STOX2: variants seen among roughly 807,000 people sequenced by gnomAD.
STOX2 encodes the protein storkhead-box protein 2.
A neutral mutation model predicts 60.9 loss-of-function variants in STOX2; 28 were observed. The observed-to-expected ratio is 0.46, with a 90% CI of 0.34 to 0.63. The LOEUF (loss-of-function observed/expected upper bound fraction) is 0.63, where lower values mean the gene tolerates loss of function less well. STOX2 is among the 30% of genes least tolerant of loss of function. The pLI is 0.01. For synonymous variants in STOX2, 472 were observed against 463.9 expected (o/e 1.02, Z -0.22); for missense variants, 1,024 against 1,187.7 (o/e 0.86, Z 2.03).
intron 1 of STOX2, 87 bp downstream of exon 1, chr4:183,907,043 C>CG: frequency 8.4e-7 from 1 of 1,192,790 alleles, no homozygotes; most frequent in Non-Finnish European, 1.2e-6. Flanking sequence ...GAGGAGAGGA[C>CG]GGGCAGTGAT....
intron 2 of STOX2, among the ~76,000 whole-genome samples, chr4:184,007,958 G>A (rs1433266288): frequency 1.3e-5 from 2 of 152,214 alleles, no homozygotes; most frequent in African/African-American, 4.8e-5. Context: ...GATATAAATT[G>A]GGGTGGGGAG....
Position 183,850,768 on chromosome 4 carries a change from C to A in STOX2, c.364+52713C>A, listed in dbSNP as rs1579332588. 3.3e-5 allele frequency among the ~76,000 whole-genome samples: 5 copies of A among 152,108 alleles called. No individual in the cohort carries two copies. The South Asian group carries it at 1.0e-3, about 32-fold the overall frequency. The stretch of plus-strand genomic sequence containing the variant: ...AAGTCAAAAGAAGAAGAACATGTTG[C>A]CACCTTCTCCTCCATTCTTTCATCA... On this transcript the variant is annotated intron_variant, in intron 1 of 2. Coordinates refer to the STOX2 transcript ENST00000513034.
intron 1 of STOX2, among the ~76,000 whole-genome samples, chr4:183,839,275 G>C (rs974129882): frequency 2.6e-5 from 4 of 152,156 alleles, no homozygotes; most frequent in Non-Finnish European, 5.9e-5. Context: ...TCATCTGAAA[G>C]AGTCACAGAG....
chr4:183,957,147 G>GAA (rs1743272624), intron 1 of STOX2, among the ~76,000 whole-genome samples: 1 of 81,764 alleles, frequency 1.2e-5, no homozygotes, highest in Non-Finnish European at 2.7e-5. Flanking sequence ...AAAACTTAAA[G>GAA]TATAATAATA....
At chr4:183,842,094 A>G (rs17295281) in intron 1 of STOX2, among the ~76,000 whole-genome samples, 509 of 152,310 alleles carry the variant, frequency 3.3e-3, no homozygotes, top group Non-Finnish European at 5.7e-3. Context: ...AAAATATCAC[A>G]CAGGTAATTC....
intron 1 of STOX2, among the ~76,000 whole-genome samples, chr4:183,994,143 G>C (rs150881692): frequency 6.6e-6 from 1 of 152,206 alleles, no homozygotes. Flanking sequence ...GGGCATTTAA[G>C]ATAAAACTTG....
chr4:183,920,893 C>T (rs1205049995), intron 1 of STOX2, among the ~76,000 whole-genome samples: 1 of 152,134 alleles, frequency 6.6e-6, no homozygotes, highest in Non-Finnish European at 1.5e-5. Flanking sequence ...GGTCTTAACG[C>T]ATTTAGTGCA....
chr4:183,932,854 TA>T (rs1346262288), intron 1 of STOX2, among the ~76,000 whole-genome samples: 2 of 152,214 alleles, frequency 1.3e-5, no homozygotes, highest in Non-Finnish European at 2.9e-5. Flanking sequence ...GCTTTAGAAC[TA>T]AAGAAATGTC....
At chr4:183,919,422 G>C (rs931578593) in intron 1 of STOX2, among the ~76,000 whole-genome samples, 1 of 152,166 alleles carries the variant, frequency 6.6e-6, no homozygotes, top group Non-Finnish European at 1.5e-5. Context: ...CCGCAGTCGT[G>C]GAGTCAGGCC....
intron 3 of STOX2, chr4:184,015,476 C>A (rs1340083207): frequency 6.6e-6 from 1 of 151,638 alleles, no homozygotes; most frequent in Non-Finnish European, 1.5e-5. Flanking sequence ...TGGAGGTACC[C>A]TCGACATTCA....
intron 1 of STOX2, among the ~76,000 whole-genome samples, chr4:183,877,904 G>GGTCTT (rs1740868835): frequency 6.6e-6 from 1 of 151,982 alleles, no homozygotes; most frequent in East Asian, 1.9e-4. Context: ...TGGCCAGGCT[G>GGTCTT]GTCTTGAACT....
At chr4:183,881,653 A>G (rs1358141172) in intron 1 of STOX2, among the ~76,000 whole-genome samples, 1 of 152,252 alleles carries the variant, frequency 6.6e-6, no homozygotes, top group East Asian at 1.9e-4. Flanking sequence ...AAAACCTGAT[A>G]AAAATATTGA....
chr4:183,844,055 A>T (rs1739930528), intron 1 of STOX2, among the ~76,000 whole-genome samples: 1 of 152,206 alleles, frequency 6.6e-6, no homozygotes, highest in Non-Finnish European at 1.5e-5. Context: ...TAATCTTTTT[A>T]AAAGCAATCT....
chr4:183,850,947 T>C (rs1740108634), intron 1 of STOX2, among the ~76,000 whole-genome samples: 1 of 108,804 alleles, frequency 9.2e-6, no homozygotes, highest in Non-Finnish European at 1.8e-5. Flanking sequence ...AGGGAAAGGA[T>C]GAGGGAAACG....
At chr4:183,910,465 C>T (rs564889409) in intron 1 of STOX2, among the ~76,000 whole-genome samples, 5 of 152,306 alleles carry the variant, frequency 3.3e-5, no homozygotes, top group Non-Finnish European at 7.4e-5. Context: ...GTAAGCTCTT[C>T]ACACGAATGA....
At position 183,836,722 on chromosome 4, in the gene STOX2, G is replaced by C. The variant is rs1229657367; in HGVS notation, c.364+38667G>C. 6.6e-6 allele frequency among the ~76,000 whole-genome samples: 1 copy of C among 152,128 alleles called. No individual in the cohort carries two copies. Among genetic ancestry groups the C allele is most frequent in the South Asian group, 2.1e-4 (1 of 4,824 alleles). On this transcript the variant is annotated intron_variant, in intron 1 of 2. Transcript: ENST00000513034. This position sits in a 1 kb window ranked among gnomAD's most constrained non-coding sequence, Gnocchi z 4.1. ...TTCGTGGCAGGGTCAGTGACTTCTC[G>C]TGACAGCCTCATGAAGGTGAAAAAG...
chr4:183,864,228 A>T (rs1191581220), intron 1 of STOX2, among the ~76,000 whole-genome samples: 1 of 152,162 alleles, frequency 6.6e-6, no homozygotes, highest in Non-Finnish European at 1.5e-5. Context: ...TCCAGAACGG[A>T]GATAAAACAG....
Position 183,825,047 on chromosome 4 carries a change from G to C in STOX2, c.364+26992G>C, listed in dbSNP as rs60299478. Among the ~76,000 whole-genome samples, 7,657 of 152,240 alleles carry C rather than the reference G, an allele frequency of 0.05. 643 individuals carry two copies. Among genetic ancestry groups the C allele is most frequent in the African/African-American group, 0.17 (7,181 of 41,510 alleles). ...TCACACAATCTTGGGCTTGGGGATC[G>C]GGGAGGAACATGGTGGATAATCCCT... On this transcript the variant is annotated intron_variant, in intron 1 of 2. Coordinates refer to the STOX2 transcript ENST00000513034. This position sits in a 1 kb window ranked among gnomAD's most constrained non-coding sequence, Gnocchi z 4.1.
intron 1 of STOX2, among the ~76,000 whole-genome samples, chr4:183,924,757 C>T (rs1013028909): frequency 1.3e-5 from 2 of 152,048 alleles, no homozygotes; most frequent in Non-Finnish European, 1.5e-5. Context: ...GTGACAGGGC[C>T]AGAATGTTGA....
Sources: gnomAD v4.1 joint callset for allele counts (sites outside exome capture counted in the v4.1 genomes callset) on GRCh38, gnomAD v4.1.1 for gene constraint, Gnocchi (gnomAD v3.1) non-coding constraint, MANE v1.5 for transcripts, NCBI Gene and HGNC (gene_info 2026-07-23, HGNC 2026-07-21) for gene names.